The following USP36 variants were observed in gnomAD, a reference collection of about 807,000 sequenced individuals.
USP36 encodes the protein ubiquitin specific peptidase 36, also known as ubiquitin carboxyl-terminal hydrolase 36.
USP36 carries 59 observed loss-of-function variants against 111.5 expected under a neutral mutation model. That is an observed-to-expected ratio of 0.53 (90% confidence interval 0.43 to 0.66). USP36 has a LOEUF of 0.66. Among genes scored for constraint, USP36 ranks in the 30% least tolerant of loss-of-function variants. The pLI is 0.00. For synonymous variants in USP36, 628 were observed against 581.0 expected, an observed-to-expected ratio of 1.08 and a Z score of -1.16; for missense variants, 1,488 against 1,468.0, an observed-to-expected ratio of 1.01 and a Z score of -0.22.
chr17:78,809,245 T>C (rs2093990496), intron 13 of USP36, among the ~76,000 whole-genome samples: 1 of 152,262 alleles, frequency 6.6e-6, no homozygotes, highest in Non-Finnish European at 1.5e-5. Context: ...TTCTACATTT[T>C]ATCCTTCAAC....
rs186358049 is a variant in USP36, at chr17:78,812,638, C to G, written c.1407+222G>C. On this transcript the variant is annotated intron_variant, in intron 13 of 20. Transcript: ENST00000449938. Reference sequence around the variant, plus strand: ...CCGGGAGGCAGAGCTTGCAGTGAGCCGAGATTGGAGATCGCACCACTGCAC... The same window carrying G: ...CCGGGAGGCAGAGCTTGCAGTGAGCGGAGATTGGAGATCGCACCACTGCAC... Among the ~76,000 whole-genome samples the G allele has an allele frequency of 7.2e-3, 1,028 of 142,716 alleles. 6 individuals are homozygous for G. The highest frequency in any genetic ancestry group is 0.015 in the South Asian group (68 of 4,556). 93.6% of individuals were successfully genotyped at this position (142,716 alleles called of 152,430 possible).
chr17:78,821,846 AAG>A (rs1454815730), intron 7 of USP36, 89 bp downstream of exon 7: 2 of 1,474,958 alleles, frequency 1.4e-6, no homozygotes, highest in Non-Finnish European at 1.9e-6. Context: ...ACAGCGAAGA[AAG>A]AGCCCCAGCC....
chr17:78,817,820 C>T (rs957026364), intron 10 of USP36, among the ~76,000 whole-genome samples: 1 of 152,082 alleles, frequency 6.6e-6, no homozygotes, highest in African/African-American at 2.4e-5. Flanking sequence ...GTGGCTCACA[C>T]CTGTAATCCC....
At chr17:78,792,845 A>G (rs2093594560), downstream of USP36, among the ~76,000 whole-genome samples, 1 of 151,998 alleles carries the variant, frequency 6.6e-6, no homozygotes, top group Admixed American at 6.5e-5. Context: ...CAGCCTCCCA[A>G]GTAGTTGGGA....
At chr17:78,800,330 C>T (rs988831072) in intron 17 of USP36, among the ~76,000 whole-genome samples, 10 of 152,146 alleles carry the variant, frequency 6.6e-5, no homozygotes, top group African/African-American at 1.4e-4. Flanking sequence ...CCATCAGGGG[C>T]CCGACCTCCT....
rs1455809442 is a variant in USP36 at position 78,812,842 on chromosome 17, C to G, written c.1407+18G>C. ...CACCAAGACCAGCCACTTTGGCCTC[C>G]ATCATTCTCACAAATACCTTTCCAG... On this transcript the variant is annotated intron_variant, in intron 13 of 20. Transcript: ENST00000449938. 1 of 1,612,300 alleles carries G rather than the reference C, an allele frequency of 6.2e-7. No individual in the cohort carries two copies. Among genetic ancestry groups the G allele is most frequent in the South Asian group, 1.1e-5 (1 of 90,986 alleles).
chr17:78,822,143 C>A (rs1452468589), intron 6 of USP36, 139 bp from the exon 7 acceptor site: 6 of 938,628 alleles, frequency 6.4e-6, no homozygotes, highest in South Asian at 1.5e-5. Context: ...CGAGTCACCA[C>A]AGACCCTTAA....
At position 78,832,334 on chromosome 17, in the gene USP36, G is replaced by C. The variant is rs2068216347; in HGVS notation, c.475+2946C>G. ...CTCTTCAAATGCCATGTGCTAGGAG[G>C]GGGAGACCACAGCCAAAGCCCACTT... On this transcript the variant is annotated intron_variant, in intron 4 of 20. Coordinates refer to ENST00000449938, the MANE Select transcript of USP36 (RefSeq NM_001385174.1). Among the ~76,000 whole-genome samples, 5 of 152,318 alleles carry C rather than the reference G, an allele frequency of 3.3e-5. No individual in the cohort carries two copies. In the South Asian group the frequency reaches 1.0e-3, roughly 32 times the overall value.
rs1193718968 is a variant in USP36 at position 78,803,968 on chromosome 17, G to A, written c.2227C>T (p.Pro743Ser). 6.3e-7 allele frequency: 1 copy of A among 1,595,126 alleles called. No individual in the cohort carries two copies. Among genetic ancestry groups the A allele is most frequent in the East Asian group, 2.2e-5 (1 of 44,798 alleles). The change falls in exon 16 of 21, where the codon CCT (proline) becomes TCT (serine). Residue 743 changes from proline (P) to serine (S), a missense_variant. Coordinates refer to ENST00000449938, the MANE Select transcript of USP36 (RefSeq NM_001385174.1). This position sits in a 1 kb window ranked among gnomAD's most constrained non-coding sequence, Gnocchi z 4.6. Reference protein sequence around the residue: ...WPVHRARAVSPAPQSSSRLQP... With the variant: ...WPVHRARAVSSAPQSSSRLQP... ...AGGCGGCTGGATGATTGGGGAGCAG[G>A]TGACACAGCCCTGTGGGGACAGCCA... is the stretch of plus-strand genomic sequence containing the variant.
chr17:78,788,155 G>C (rs887925732), intron 3 of USP36, among the ~76,000 whole-genome samples: 1 of 152,100 alleles, frequency 6.6e-6, no homozygotes, highest in Non-Finnish European at 1.5e-5. Flanking sequence ...CATATGCATA[G>C]GTTATTTTAT....
Position 78,803,062 on chromosome 17 carries a change from C to A in USP36, c.2810+323G>T, listed in dbSNP as rs182774019. On this transcript the variant is annotated intron_variant, in intron 16 of 20. Coordinates refer to ENST00000449938, the MANE Select transcript of USP36 (RefSeq NM_001385174.1). This position sits in a 1 kb window ranked among gnomAD's most constrained non-coding sequence, Gnocchi z 4.6. ...CAAACCATCCTCCCACCTCAGCCTC[C>A]TGAGTAGCTGGGACTATAGGTGCAT... is the stretch of plus-strand genomic sequence containing the variant. Among the ~76,000 whole-genome samples, 568 of 152,270 alleles carry A rather than the reference C, an allele frequency of 3.7e-3. 4 individuals carry two copies. Among genetic ancestry groups the A allele is most frequent in the Non-Finnish European group, 4.3e-3 (291 of 68,032 alleles).
At chr17:78,821,823 G>C in intron 7 of USP36, 114 bp downstream of exon 7, 4 of 1,207,126 alleles carry the variant, frequency 3.3e-6, no homozygotes, top group Non-Finnish European at 4.8e-6. Context: ...CTCAGAGACT[G>C]ACCCAGGTCT....
At chr17:78,821,818 A>T in intron 7 of USP36, 119 bp downstream of exon 7, 1 of 1,148,422 alleles carries the variant, frequency 8.7e-7, no homozygotes, top group Non-Finnish European at 1.3e-6. Context: ...AAGACCTCAG[A>T]GACTGACCCA....
At chr17:78,795,376 C>T (rs909294418), downstream of USP36, among the ~76,000 whole-genome samples, 29 of 152,316 alleles carry the variant, frequency 1.9e-4, no homozygotes, top group Middle Eastern at 3.4e-3. The surrounding 1 kb of genome is among the most constrained non-coding windows in gnomAD (Gnocchi z 4.5). Flanking sequence ...AAGGGAGATG[C>T]GGGGAGCCAC....
At chr17:78,811,670 C>A (rs2094059710) in intron 13 of USP36, among the ~76,000 whole-genome samples, 1 of 151,780 alleles carries the variant, frequency 6.6e-6, no homozygotes, top group South Asian at 2.1e-4. Flanking sequence ...CAGATAGAGA[C>A]CATCCTGGCT....
rs1486485679 is a variant in USP36, at chr17:78,821,953, C to A, written c.741G>T (p.Gly247=). ...TCCACTTACCGCGTGATCTGAGATA[C>A]CCTCCAAAAATTTGATGGACCAAGG... is the stretch of plus-strand genomic sequence containing the variant. ...ATTLVHQIFG[G]YLRSRVKCSV... The change falls in exon 7 of 21, where the codon GGG becomes GGT. Residue 247 remains glycine, a synonymous_variant. Coordinates refer to ENST00000449938, the MANE Select transcript of USP36 (RefSeq NM_001385174.1). 6.2e-7 allele frequency: 1 copy of A among 1,614,146 alleles called. No homozygotes were observed. Among genetic ancestry groups the A allele is most frequent in the South Asian group, 1.1e-5 (1 of 91,084 alleles).
chr17:78,799,902 TTTTA>T (rs2093698702), intron 17 of USP36, 134 bp from the exon 18 acceptor site: 5 of 588,196 alleles, frequency 8.5e-6, no homozygotes, highest in Non-Finnish European at 1.3e-5. Flanking sequence ...TTTTTTTTTT[TTTTA>T]AAGACAGGGT....
chr17:78,800,621 C>G (rs1403128469), intron 17 of USP36, among the ~76,000 whole-genome samples: 1 of 152,270 alleles, frequency 6.6e-6, no homozygotes, highest in Non-Finnish European at 1.5e-5. Flanking sequence ...ATCCACACAG[C>G]CCAGGGACCC....
intron 6 of USP36, chr17:78,823,276 C>T (rs933729982): frequency 2.5e-6 from 1 of 398,376 alleles, no homozygotes; most frequent in East Asian, 3.6e-5. Flanking sequence ...CTAGCAAGGA[C>T]GTAATCTCTG....
Sources: gnomAD v4.1 joint callset for allele counts (sites outside exome capture counted in the v4.1 genomes callset) on GRCh38, gnomAD v4.1.1 for gene constraint, Gnocchi (gnomAD v3.1) non-coding constraint, MANE v1.5 for transcripts, NCBI Gene and HGNC (gene_info 2026-07-23, HGNC 2026-07-21) for gene names.